SERINC5: variants seen among roughly 807,000 people sequenced by gnomAD.
The protein encoded by SERINC5 is chromosome 5 open reading frame 12.
SERINC5 carries 41 observed loss-of-function variants against 63.1 expected under a neutral mutation model. The observed-to-expected ratio is 0.65, with a 90% CI of 0.51 to 0.84. The LOEUF is 0.84. SERINC5 is among the 40% of genes least tolerant of loss of function. The pLI, the probability that SERINC5 is intolerant of heterozygous loss-of-function variation, is 0.00. For missense variants in SERINC5, 523 were observed against 573.0 expected (o/e 0.91, Z 0.89); for synonymous variants, 222 against 215.2 (o/e 1.03, Z -0.28).
At chr5:80,132,201 G>T (rs1744973937) in intron 11 of SERINC5, among the ~76,000 whole-genome samples, 1 of 152,118 alleles carries the variant, frequency 6.6e-6, no homozygotes, top group East Asian at 1.9e-4. Flanking sequence ...AGTGTGATTT[G>T]TTACTGATGA....
intron 11 of SERINC5, among the ~76,000 whole-genome samples, chr5:80,114,276 T>C (rs957805326): frequency 2.0e-5 from 3 of 151,938 alleles, no homozygotes; most frequent in South Asian, 2.1e-4. Flanking sequence ...CTTACAATCA[T>C]GGCAGAAGGT....
chr5:80,173,409 C>A (rs187296589), intron 5 of SERINC5, among the ~76,000 whole-genome samples: 2 of 152,012 alleles, frequency 1.3e-5, no homozygotes, highest in African/African-American at 4.8e-5. Flanking sequence ...TCCTGGCTAA[C>A]ACGGTGAAAC....
Position 80,203,257 on chromosome 5 carries a change from C to CATATAT in SERINC5, c.28-210_28-205dup, listed in dbSNP as rs35653111. On this transcript the variant is annotated intron_variant, in intron 1 of 11. Coordinates refer to ENST00000507668, the MANE Select transcript of SERINC5 (RefSeq NM_001174072.3). Reference sequence around the variant, plus strand: ...CTGTCTCTAAATAAATATATATACACATATATATATATATGTGTATATATA... The same window carrying CATATAT: ...CTGTCTCTAAATAAATATATATACACATATATATATATATATATATGTGTATATATA... 1,556 of 257,226 alleles carry CATATAT rather than the reference C, an allele frequency of 6.0e-3. 11 individuals are homozygous for CATATAT. The highest frequency in any genetic ancestry group is 0.017 in the Middle Eastern group (12 of 690). 15.9% of individuals were successfully genotyped at this position (257,226 alleles called of 1,614,324 possible). A position where few individuals can be genotyped will look rare whatever the true frequency, so the allele number is the denominator to read the frequency against.
intron 1 of SERINC5, among the ~76,000 whole-genome samples, chr5:80,222,334 T>C (rs1283139715): frequency 6.6e-6 from 1 of 152,118 alleles, no homozygotes; most frequent in East Asian, 1.9e-4. Flanking sequence ...AATTTCTCAG[T>C]GGCGGGACAA....
intron 2 of SERINC5, among the ~76,000 whole-genome samples, chr5:80,178,753 G>C (rs182538855): frequency 2.0e-3 from 296 of 150,946 alleles, no homozygotes; most frequent in African/African-American, 6.5e-3. Flanking sequence ...AAAAATCAGA[G>C]ACTTCTTTTA....
chr5:80,194,670 C>T (rs1312795711), intron 2 of SERINC5, among the ~76,000 whole-genome samples: 1 of 152,164 alleles, frequency 6.6e-6, no homozygotes, highest in African/African-American at 2.4e-5. Context: ...GCTAAGATCG[C>T]TGCTGAGGGC....
chr5:80,216,966 G>T (rs1750695653), intron 1 of SERINC5, among the ~76,000 whole-genome samples: 1 of 152,052 alleles, frequency 6.6e-6, no homozygotes, highest in Non-Finnish European at 1.5e-5. Context: ...AGCTGAGATT[G>T]CATCACTGCA....
chr5:80,249,956 A>G (rs1360372353), intron 1 of SERINC5, among the ~76,000 whole-genome samples: 1 of 152,218 alleles, frequency 6.6e-6, no homozygotes, highest in Non-Finnish European at 1.5e-5. Flanking sequence ...TCATGGAAAT[A>G]ATGAATTTTT....
chr5:80,180,091 T>C (rs1748320624), intron 2 of SERINC5, among the ~76,000 whole-genome samples: 2 of 152,196 alleles, frequency 1.3e-5, no homozygotes, highest in Admixed American at 1.3e-4. Context: ...TATTAGTGGG[T>C]CTTAATCTTC....
In SERINC5 at chr5:80,205,663, A is replaced by C. The variant is rs572224661; in HGVS notation, c.28-2610T>G. Among the ~76,000 whole-genome samples the C allele has an allele frequency of 1.6e-4, 24 of 152,298 alleles. No homozygotes were observed. In the South Asian group the frequency reaches 4.8e-3, roughly 30 times the overall value. On this transcript the variant is annotated intron_variant, in intron 1 of 11. Transcript: ENST00000507668. Reference sequence around the variant, plus strand: ...TCTTTGGGATCTTTAATAAACCATAAGGTAATAGAGGATGGTGATTAAAAG... The same window carrying C: ...TCTTTGGGATCTTTAATAAACCATACGGTAATAGAGGATGGTGATTAAAAG...
intron 8 of SERINC5, among the ~76,000 whole-genome samples, chr5:80,154,252 TCAC>T (rs966290428): frequency 1.2e-4 from 19 of 152,214 alleles, no homozygotes; most frequent in African/African-American, 4.6e-4. Flanking sequence ...CGATGTCGGC[TCAC>T]CACAACCTCT....
intron 5 of SERINC5, among the ~76,000 whole-genome samples, chr5:80,173,370 C>A (rs974961340): frequency 3.3e-5 from 5 of 151,878 alleles, no homozygotes; most frequent in African/African-American, 1.2e-4. Flanking sequence ...CCGAGGTGGG[C>A]GGATCACCAG....
In SERINC5 at chr5:80,139,476, C is replaced by A. The variant is rs951306450; in HGVS notation, c.*4187G>T. The stretch of plus-strand genomic sequence containing the variant: ...CATATGCATTCTTAATCTGCCCTTC[C>A]CCATTTGTTTCTTTCTGAAAGGATT... On this transcript the variant is annotated 3_prime_UTR_variant, in exon 12 of 12. Coordinates refer to ENST00000507668, the MANE Select transcript of SERINC5 (RefSeq NM_001174072.3). The A allele has an allele frequency of 7.1e-6, 7 of 985,148 alleles. No homozygotes were observed. Among genetic ancestry groups the A allele is most frequent in the Non-Finnish European group, 7.2e-6 (6 of 829,914 alleles). The allele number at this position is 985,148 out of a possible 1,614,324, so 61.0% of individuals were successfully genotyped here. A position where few individuals can be genotyped will look rare whatever the true frequency, so the allele number is the denominator to read the frequency against.
chr5:80,184,727 A>G (rs1748692967), intron 2 of SERINC5, among the ~76,000 whole-genome samples: 2 of 152,172 alleles, frequency 1.3e-5, no homozygotes, highest in South Asian at 4.1e-4. Flanking sequence ...TTGCTGTTCC[A>G]AAGTCCACCC....
intron 1 of SERINC5, among the ~76,000 whole-genome samples, chr5:80,243,278 C>G (rs1326458887): frequency 6.6e-6 from 1 of 152,120 alleles, no homozygotes; most frequent in Non-Finnish European, 1.5e-5. Context: ...CTACACTGAA[C>G]CCTGACACAC....
intron 6 of SERINC5, among the ~76,000 whole-genome samples, chr5:80,168,310 T>C (rs2112380491): frequency 6.6e-6 from 1 of 152,060 alleles, no homozygotes; most frequent in African/African-American, 2.4e-5. Flanking sequence ...TTCTCCTGCC[T>C]CTCAGCCTCC....
At chr5:80,229,016 C>T (rs1751297485) in intron 1 of SERINC5, among the ~76,000 whole-genome samples, 1 of 124,964 alleles carries the variant, frequency 8.0e-6, no homozygotes, top group Non-Finnish European at 1.7e-5. Flanking sequence ...CAATGTTTTA[C>T]ATACCTTTTT....
At chr5:80,186,477 G>A (rs1346344461) in intron 2 of SERINC5, among the ~76,000 whole-genome samples, 1 of 152,088 alleles carries the variant, frequency 6.6e-6, no homozygotes, top group Non-Finnish European at 1.5e-5. Context: ...ATTTATATTA[G>A]AACTGAGGTC....
At chr5:80,112,202 G>C (rs1025743901) in intron 12 of SERINC5, among the ~76,000 whole-genome samples, 1 of 152,166 alleles carries the variant, frequency 6.6e-6, no homozygotes, top group Non-Finnish European at 1.5e-5. Flanking sequence ...GGAATGTCTC[G>C]GTATAAAACC....
Sources: allele counts gnomAD v4.1 joint callset (sites outside exome capture counted in the v4.1 genomes callset), GRCh38; gene constraint gnomAD v4.1.1; transcripts MANE v1.5; gene names NCBI Gene and HGNC (gene_info 2026-07-23, HGNC 2026-07-21).